Variants in TTC33 observed in about 807,000 individuals in gnomAD.
The protein encoded by TTC33 is tetratricopeptide repeat protein 33.
A neutral mutation model predicts 29.4 loss-of-function variants in TTC33; 24 were observed. That is an observed-to-expected ratio of 0.82 (90% CI 0.59 to 1.15). The LOEUF (loss-of-function observed/expected upper bound fraction) is 1.15, where lower values mean the gene tolerates loss of function less well. TTC33 is among the 50% of genes most tolerant of loss of function. The pLI, the probability that TTC33 is intolerant of heterozygous loss-of-function variation, is 0.00. For synonymous variants in TTC33, 107 were observed against 100.3 expected (o/e 1.07, Z -0.40); for missense variants, 286 against 310.4 (o/e 0.92, Z 0.59).
intron 4 of TTC33, among the ~76,000 whole-genome samples, chr5:40,724,439 C>T (rs1380441772): frequency 1.3e-5 from 2 of 151,986 alleles, no homozygotes; most frequent in Non-Finnish European, 2.9e-5. Flanking sequence ...TCAAGACCAG[C>T]CTGGCCAACA....
In TTC33 at chr5:40,716,302, A is replaced by G. The variant is rs370803669; in HGVS notation, c.632T>C (p.Ile211Thr). 9 of 1,614,212 alleles carry G rather than the reference A, an allele frequency of 5.6e-6. No homozygotes were observed. Among genetic ancestry groups the G allele is most frequent in the Non-Finnish European group, 6.8e-6 (8 of 1,180,046 alleles). ...AGCAATAGCTGCACAAACAGCAACA[A>G]TCTCATCACTTTCAAAGTCATAGTC... is the stretch of plus-strand genomic sequence containing the variant. The part of the protein sequence containing the change: ...IPDYDFESDE[I>T]VAVCAAIAEK... Residue 211 changes from isoleucine to threonine, a missense_variant, in exon 5 of 5, where the codon ATT becomes ACT. By Grantham distance (89) the Ile-to-Thr change is moderately conservative. Transcript: ENST00000337702.
intron 4 of TTC33, 100 bp downstream of exon 4, chr5:40,728,245 C>T (rs1348547364): frequency 6.1e-6 from 6 of 978,394 alleles, no homozygotes; most frequent in Non-Finnish European, 7.0e-6. Flanking sequence ...GATTGCACCA[C>T]TGCACTGTAC....
chr5:40,726,385 T>C (rs1030728932), intron 4 of TTC33, among the ~76,000 whole-genome samples: 1 of 151,824 alleles, frequency 6.6e-6, no homozygotes, highest in East Asian at 1.9e-4. Flanking sequence ...ATAGTAAGAA[T>C]TGTTAGATAT....
rs7706502 is a variant in TTC33, at chr5:40,739,921, A to C, written c.221+6877T>G. Among the ~76,000 whole-genome samples the C allele has an allele frequency of 8.3e-3, 1,265 of 152,240 alleles. 19 individuals are homozygous for C. The highest frequency in any genetic ancestry group is 0.029 in the African/African-American group (1,194 of 41,540). On this transcript the variant is annotated intron_variant, in intron 2 of 4. Transcript: ENST00000337702. The stretch of plus-strand genomic sequence containing the variant: ...CCTAACAATTTTAGATTTGGGAATA[A>C]TACTACAAATGGTGCTTTTTTTTAA...
chr5:40,719,404 T>C lies in TTC33; in HGVS notation c.436-2906A>G, dbSNP rs78475970. Among the ~76,000 whole-genome samples the C allele has an allele frequency of 4.6e-5, 7 of 152,360 alleles. No individual in the cohort carries two copies. In the East Asian group the frequency reaches 1.3e-3, roughly 29 times the overall value. On this transcript the variant is annotated intron_variant, in intron 4 of 4. Coordinates refer to ENST00000337702, the MANE Select transcript of TTC33 (RefSeq NM_012382.3). ...GGCATCATTTCTTTTTAATGCTGAATAATATTTCATTGTATGGATATACCA... is the reference window on the plus strand; with the variant it reads ...GGCATCATTTCTTTTTAATGCTGAACAATATTTCATTGTATGGATATACCA...
chr5:40,729,093 A>C (rs1742362692), intron 3 of TTC33, among the ~76,000 whole-genome samples: 1 of 152,160 alleles, frequency 6.6e-6, no homozygotes, highest in Non-Finnish European at 1.5e-5. Flanking sequence ...ACTTTAAAAG[A>C]TTTGTGATAC....
chr5:40,749,168 T>C (rs1007627629), intron 1 of TTC33, among the ~76,000 whole-genome samples: 2 of 152,014 alleles, frequency 1.3e-5, no homozygotes, highest in Non-Finnish European at 2.9e-5. Flanking sequence ...ATGTAAGAAA[T>C]AAAGAGAGGA....
At chr5:40,724,056 CA>C (rs1482928174) in intron 4 of TTC33, among the ~76,000 whole-genome samples, 1 of 152,110 alleles carries the variant, frequency 6.6e-6, no homozygotes, top group Non-Finnish European at 1.5e-5. Flanking sequence ...ATCAAGATCT[CA>C]AAGAGATATT....
chr5:40,721,492 T>C (rs1305646685), intron 4 of TTC33, among the ~76,000 whole-genome samples: 1 of 152,124 alleles, frequency 6.6e-6, no homozygotes, highest in Non-Finnish European at 1.5e-5. Flanking sequence ...GGGCATTAAG[T>C]ATACATAATG....
intron 2 of TTC33, among the ~76,000 whole-genome samples, chr5:40,733,492 TCTA>T (rs1009736177): frequency 6.6e-6 from 1 of 152,170 alleles, no homozygotes; most frequent in African/African-American, 2.4e-5. Context: ...CAACCCTAGA[TCTA>T]CTTGGCCCAA....
intron 4 of TTC33, among the ~76,000 whole-genome samples, chr5:40,722,018 G>C (rs1742145177): frequency 6.6e-6 from 1 of 152,204 alleles, no homozygotes; most frequent in Admixed American, 6.5e-5. Context: ...ACAGGTATAT[G>C]AAAAGATGCT....
rs749270077 is a variant in TTC33, at chr5:40,716,329, G to A, written c.605C>T (p.Pro202Leu). 6.2e-7 allele frequency: 1 copy of A among 1,614,144 alleles called. No individual in the cohort carries two copies. Among genetic ancestry groups the A allele is most frequent in the Non-Finnish European group, 8.5e-7 (1 of 1,180,026 alleles). Residue 202 changes from proline (P) to leucine (L), a missense_variant, in exon 5 of 5, where the codon CCA becomes CTA. By Grantham distance (98) the Pro-to-Leu change is moderately conservative. Transcript: ENST00000337702. ...EVTHFSPKSIPDYDFESDEIV... is the reference protein window; with the variant it reads ...EVTHFSPKSILDYDFESDEIV... Reference sequence around the variant, plus strand: ...CTCATCACTTTCAAAGTCATAGTCTGGAATTGACTTTGGTGAAAAGTGTGT... The same window carrying A: ...CTCATCACTTTCAAAGTCATAGTCTAGAATTGACTTTGGTGAAAAGTGTGT...
intron 2 of TTC33, among the ~76,000 whole-genome samples, chr5:40,733,458 G>A (rs141786701): frequency 6.6e-6 from 1 of 152,048 alleles, no homozygotes; most frequent in Non-Finnish European, 1.5e-5. Flanking sequence ...ATAAAAACAG[G>A]TTGTTTTTAT....
At chr5:40,723,731 G>GA (rs1358468673) in intron 4 of TTC33, among the ~76,000 whole-genome samples, 7 of 152,140 alleles carry the variant, frequency 4.6e-5, no homozygotes, top group African/African-American at 1.4e-4. Context: ...CAGGCGTGGT[G>GA]ATGGGCACCT....
intron 2 of TTC33, among the ~76,000 whole-genome samples, chr5:40,733,120 A>G (rs1579681055): frequency 6.6e-6 from 1 of 152,218 alleles, no homozygotes; most frequent in East Asian, 1.9e-4. Flanking sequence ...TTTCATATAT[A>G]GAAATTATAA....
chr5:40,737,556 C>G (rs1287896938), intron 2 of TTC33, among the ~76,000 whole-genome samples: 2 of 152,038 alleles, frequency 1.3e-5, no homozygotes, highest in African/African-American at 4.8e-5. Flanking sequence ...GACAAGCACT[C>G]AAAACTTTGT....
intron 2 of TTC33, among the ~76,000 whole-genome samples, chr5:40,731,740 A>G (rs1444306657): frequency 6.6e-6 from 1 of 152,196 alleles, no homozygotes; most frequent in Non-Finnish European, 1.5e-5. Flanking sequence ...GAGCCAAACC[A>G]TATCACATAT....
At chr5:40,716,735 G>T (rs533607515) in intron 4 of TTC33, among the ~76,000 whole-genome samples, 1 of 152,272 alleles carries the variant, frequency 6.6e-6, no homozygotes, top group South Asian at 2.1e-4. Context: ...CCATTAAAAT[G>T]GGAGTACTCA....
At chr5:40,751,457 C>T (rs149129979) in intron 1 of TTC33, among the ~76,000 whole-genome samples, 6 of 152,282 alleles carry the variant, frequency 3.9e-5, no homozygotes, top group African/African-American at 1.2e-4. Context: ...AGAACACAGG[C>T]AAAGTACATT....
Sources: gnomAD v4.1 joint callset for allele counts (sites outside exome capture counted in the v4.1 genomes callset) on GRCh38, gnomAD v4.1.1 for gene constraint, MANE v1.5 for transcripts, NCBI Gene and HGNC (gene_info 2026-07-23, HGNC 2026-07-21) for gene names.